SPTAN1: variants seen among roughly 807,000 people sequenced by gnomAD.
The protein encoded by SPTAN1 is spectrin alpha chain, non-erythrocytic 1.
In SPTAN1, 61 loss-of-function variants were observed where a neutral mutation model predicts 331.3. The observed-to-expected ratio is 0.18, with a 90% confidence interval of 0.15 to 0.23. The LOEUF (loss-of-function observed/expected upper bound fraction) is 0.23. Among genes scored for constraint, SPTAN1 ranks in the 10% least tolerant of loss-of-function variants. The probability of loss-of-function intolerance (pLI) is 1.00; values close to 1 mark genes in which losing one functional copy is unlikely to be tolerated. For synonymous variants in SPTAN1, 1,153 were observed against 1,173.9 expected, an observed-to-expected ratio of 0.98 and a Z score of 0.36; for missense variants, 2,043 against 3,147.9, an observed-to-expected ratio of 0.65 and a Z score of 8.40.
At chr9:128,598,549 G>T in intron 25 of SPTAN1, 45 bp downstream of exon 25, 1 of 1,425,904 alleles carries the variant, frequency 7.0e-7, no homozygotes, top group East Asian at 2.3e-5. Context: ...CTGTAAGGAT[G>T]CAGCTTTGTT....
rs1853888294 is a variant in SPTAN1, at chr9:128,594,025, C to T, written c.3216-150C>T. 7.9e-6 allele frequency: 6 copies of T among 759,508 alleles called. No individual in the cohort carries two copies. The South Asian group carries it at 8.9e-5, about 11-fold the overall frequency. The allele number at this position is 759,508 out of a possible 1,614,324, so 47.0% of individuals were successfully genotyped here. ...CGTGGGTACTTGGGATCCTCGTCTT[C>T]ATCTGATAACTCTGTTACTAGGGCA... On this transcript the variant is annotated intron_variant, in intron 23 of 56. Transcript: ENST00000372739.
intron 1 of SPTAN1, among the ~76,000 whole-genome samples, chr9:128,561,930 T>C (rs1227131767): frequency 6.6e-6 from 1 of 152,048 alleles, no homozygotes; most frequent in Non-Finnish European, 1.5e-5. Context: ...GAGTAAAATA[T>C]GGTCTTCTTT....
At chr9:128,606,370 G>T in intron 31 of SPTAN1, among the ~76,000 whole-genome samples, 3 of 1,388 alleles carry the variant, frequency 2.2e-3, no homozygotes, top group Non-Finnish European at 0.083. Flanking sequence ...GCAAGACTCT[G>T]CCTCAAAAAA....
At position 128,583,773 on chromosome 9, in the gene SPTAN1, T is replaced by G. The variant is rs1852232096; in HGVS notation, c.2012-15T>G. On this transcript the variant is annotated splice_polypyrimidine_tract_variant and intron_variant, in intron 15 of 56. Coordinates refer to ENST00000372739, the MANE Select transcript of SPTAN1 (RefSeq NM_001130438.3). ...ATGCTAAGCAGTACAAAATTAAACT[T>G]GTTTTCTTCCATAGGAATAAAGCTT... 6.2e-7 allele frequency: 1 copy of G among 1,614,066 alleles called. No individual in the cohort carries two copies.
Position 128,618,864 on chromosome 9 carries a change from TAA to T in SPTAN1, c.5601-6_5601-5del, listed in dbSNP as rs781645028. ...TGGCTGATTTTCTTCCTGTCTCCTG[TAA>T]TTAGGGGTCAGCGGCTGGAAGAGTC... On this transcript the variant is annotated splice_region_variant and splice_polypyrimidine_tract_variant and intron_variant, in intron 43 of 56. Transcript: ENST00000372739. 4.0e-5 allele frequency: 65 copies of T among 1,613,966 alleles called. No individual in the cohort carries two copies. The highest frequency in any genetic ancestry group is 5.3e-5 in the Non-Finnish European group (63 of 1,180,038).
chr9:128,625,105 G>C lies in SPTAN1; in HGVS notation c.5995G>C (p.Glu1999Gln), dbSNP rs1447686600. The change falls in exon 47 of 57, where the codon GAA (glutamate) becomes CAA (glutamine). Residue 1999 changes from glutamate to glutamine, a missense_variant and splice_region_variant. By Grantham distance (29) the Glu-to-Gln change is conservative (BLOSUM62 2). Coordinates refer to ENST00000372739, the MANE Select transcript of SPTAN1 (RefSeq NM_001130438.3). The surrounding 1 kb of genome is among the most constrained non-coding windows in gnomAD (Gnocchi z 4.1). Reference protein sequence around the residue: ...KADVVESWIGEKENSLKTDDY... With the variant: ...KADVVESWIGQKENSLKTDDY... ...ATTTTCCACACTTCGTTTTCTAGGT[G>C]AAAAGGAGAACAGCTTGAAGACAGA... 1 of 1,614,014 alleles carries C rather than the reference G, an allele frequency of 6.2e-7. No individual in the cohort carries two copies. The highest frequency in any genetic ancestry group is 2.2e-5 in the East Asian group (1 of 44,902).
At chr9:128,614,264 G>A (rs905915860) in intron 40 of SPTAN1, among the ~76,000 whole-genome samples, 1 of 151,996 alleles carries the variant, frequency 6.6e-6, no homozygotes, top group Non-Finnish European at 1.5e-5. Flanking sequence ...AGACCAGCCT[G>A]GGCAACATGA....
Position 128,615,715 on chromosome 9 carries a change from G to A in SPTAN1, c.5232G>A (p.Arg1744=), listed in dbSNP as rs2131744858. The A allele has an allele frequency of 1.9e-6, 3 of 1,614,190 alleles. No homozygotes were observed. Among genetic ancestry groups the A allele is most frequent in the Non-Finnish European group, 2.5e-6 (3 of 1,180,048 alleles). Residue 1744 remains arginine, a synonymous_variant, in exon 41 of 57, where the codon AGG becomes AGA. Coordinates refer to ENST00000372739, the MANE Select transcript of SPTAN1 (RefSeq NM_001130438.3). ...ACACCTCCCAAGTAAAGGACAAGAG[G>A]GACACCATCAACGGGCGCTTCCAGA... ...AFDTSQVKDK[R]DTINGRFQKI... is the part of the protein sequence containing the mutation.
chr9:128,555,613 G>A (rs917984034), intron 1 of SPTAN1, among the ~76,000 whole-genome samples: 18 of 127,708 alleles, frequency 1.4e-4, no homozygotes, highest in African/African-American at 4.3e-4. Context: ...TTGAAAATTT[G>A]CAAAGCCTTT....
intron 24 of SPTAN1, among the ~76,000 whole-genome samples, chr9:128,598,084 G>T (rs1288394735): frequency 6.6e-6 from 1 of 152,198 alleles, no homozygotes; most frequent in Admixed American, 6.5e-5. Flanking sequence ...GAGTAGCTGG[G>T]ATTACAGGCA....
At position 128,615,859 on chromosome 9, in the gene SPTAN1, C is replaced by G. The variant is rs1857100472; in HGVS notation, c.5357+19C>G. ...GGATCAAGTATGTCTTCTCAGCCCT[C>G]TAGAAGGCCCCTTACGCCTGTAATA... On this transcript the variant is annotated intron_variant, in intron 41 of 56. Transcript: ENST00000372739. 6.2e-7 allele frequency: 1 copy of G among 1,613,238 alleles called. No homozygotes were observed. Among genetic ancestry groups the G allele is most frequent in the African/African-American group, 1.3e-5 (1 of 74,926 alleles).
In SPTAN1 at chr9:128,588,843, A is replaced by G; in HGVS notation, c.2906A>G (p.Lys969Arg). ...QVAPTDDETG[K>R]ELVLALYDYQ... Reference sequence around the variant, plus strand: ...GCCCCCACGGATGATGAGACTGGGAAGGAGCTGGTCTTGGCTCTCTACGAC... The same window carrying G: ...GCCCCCACGGATGATGAGACTGGGAGGGAGCTGGTCTTGGCTCTCTACGAC... The change falls in exon 21 of 57, where the codon AAG becomes AGG. Residue 969 changes from lysine to arginine, a missense_variant. Around this residue, in one of 12 missense-constraint regions of SPTAN1, gnomAD observed 1,038 missense variants for 1,531.5 expected, o/e 0.68. Coordinates refer to ENST00000372739, the MANE Select transcript of SPTAN1 (RefSeq NM_001130438.3). 1.2e-6 allele frequency: 2 copies of G among 1,614,176 alleles called. No individual in the cohort carries two copies. Among genetic ancestry groups the G allele is most frequent in the Non-Finnish European group, 1.7e-6 (2 of 1,180,010 alleles).
At chr9:128,612,937 T>A (rs535582336) in intron 39 of SPTAN1, among the ~76,000 whole-genome samples, 161 of 147,194 alleles carry the variant, frequency 1.1e-3, no homozygotes, top group African/African-American at 3.1e-3. Context: ...AAAAAAAAAA[T>A]TTTTTTTTTT....
At chr9:128,555,262 TA>T in intron 1 of SPTAN1, 1 of 978,672 alleles carries the variant, frequency 1.0e-6, no homozygotes, top group Non-Finnish European at 1.4e-6. Context: ...TCTGTATTCA[TA>T]TTTTTTAAAT....
intron 3 of SPTAN1, among the ~76,000 whole-genome samples, chr9:128,573,227 G>C (rs1850929181): frequency 6.6e-6 from 1 of 152,188 alleles, no homozygotes; most frequent in African/African-American, 2.4e-5. Flanking sequence ...AGCTTGAATT[G>C]ATTACTAATT....
chr9:128,555,091 A>G (rs985874918), intron 1 of SPTAN1, among the ~76,000 whole-genome samples: 1 of 152,216 alleles, frequency 6.6e-6, no homozygotes, highest in Non-Finnish European at 1.5e-5. Flanking sequence ...TGAGGCCCCA[A>G]GGAGAATGAG....
At position 128,627,562 on chromosome 9, in the gene SPTAN1, T is replaced by C. The variant is rs1460764109; in HGVS notation, c.6689+64T>C. On this transcript the variant is annotated intron_variant, in intron 50 of 56. Transcript: ENST00000372739. The surrounding 1 kb of genome is among the most constrained non-coding windows in gnomAD (Gnocchi z 4.9). The stretch of plus-strand genomic sequence containing the variant: ...CTGCTGTACTTAAGCCCTGGGGAGC[T>C]TCCAGCCCCAAGGAGGTGGTGGTGC... 14 of 1,437,358 alleles carry C rather than the reference T, an allele frequency of 9.7e-6. No homozygotes were observed. Among genetic ancestry groups the C allele is most frequent in the Non-Finnish European group, 1.2e-5 (13 of 1,043,888 alleles). The allele number at this position is 1,437,358 out of a possible 1,614,324, so 89.0% of individuals were successfully genotyped here.
rs920545433 is a variant in SPTAN1 at position 128,624,367 on chromosome 9, G to T, written c.5872G>T (p.Gly1958Cys). 17 of 1,613,836 alleles carry T rather than the reference G, an allele frequency of 1.1e-5. No individual in the cohort carries two copies. In the African/African-American group the frequency reaches 1.7e-4, roughly 16 times the overall value. ...HEENISSKMK[G>C]LNGKVSDLEK... ...GGAGAACATCTCTTCAAAGATGAAG[G>T]GCCTGAACGGGAAAGTGTCAGACCT... Residue 1958 changes from glycine to cysteine, a missense_variant, in exon 46 of 57, where the codon GGC (glycine) becomes TGC (cysteine). Physicochemically the swap from Gly to Cys is radical, Grantham distance 159 (BLOSUM62 -3). Transcript: ENST00000372739.
rs1480185696 is a variant in SPTAN1 at position 128,605,400 on chromosome 9, C to G, written c.3969C>G (p.Ser1323Arg). The change falls in exon 31 of 57, where the codon AGC becomes AGG. Residue 1323 changes from serine to arginine, a missense_variant. Ser to Arg is a moderately radical substitution (Grantham distance 110). Around this residue, in one of 12 missense-constraint regions of SPTAN1, gnomAD observed 179 missense variants for 215.7 expected, o/e 0.83. Coordinates refer to ENST00000372739, the MANE Select transcript of SPTAN1 (RefSeq NM_001130438.3). ...CAGAGTTAAACCAGGCCTGGAGCAG[C>G]CTGGGGAAACGTGCAGATCAGCGCA... ...KCTELNQAWS[S>R]LGKRADQRKA... The G allele has an allele frequency of 1.2e-6, 2 of 1,614,068 alleles. No homozygotes were observed. The highest frequency in any genetic ancestry group is 1.7e-6 in the Non-Finnish European group (2 of 1,180,050).
Sources: gnomAD v4.1 joint callset for allele counts (sites outside exome capture counted in the v4.1 genomes callset) on GRCh38, gnomAD v4.1.1 for gene constraint, gnomAD v4.1.1 regional missense constraint, Gnocchi (gnomAD v3.1) non-coding constraint, MANE v1.5 for transcripts, NCBI Gene and HGNC (gene_info 2026-07-23, HGNC 2026-07-21) for gene names.